The following ASB18 variants were observed in gnomAD, a reference collection of about 807,000 sequenced individuals.
ASB18 encodes ankyrin repeat and SOCS box containing 18.
A neutral mutation model predicts 33.4 loss-of-function variants in ASB18; 33 were observed. The observed-to-expected ratio is 0.99, with a 90% CI of 0.75 to 1.32. The LOEUF is 1.32. ASB18 is among the 40% of genes most tolerant of loss of function. ASB18 has a pLI of 0.00. For missense variants in ASB18, 694 were observed against 655.5 expected (o/e 1.06, Z -0.64); for synonymous variants, 295 against 307.6 (o/e 0.96, Z 0.43).
rs111659949 is a variant in ASB18 at position 236,222,656 on chromosome 2, C to T, written c.597-7790G>A. On this transcript the variant is annotated intron_variant, in intron 3 of 5. Coordinates refer to ENST00000409749, the MANE Select transcript of ASB18 (RefSeq NM_212556.4). The surrounding 1 kb of genome is among the most constrained non-coding windows in gnomAD (Gnocchi z 5.5). ...TTGGTTCATGGGGGTAGGTCTCTCA[C>T]GAATGGTTTAGTACCATCCCCTTGG... is the stretch of plus-strand genomic sequence containing the variant. 9.8e-3 allele frequency among the ~76,000 whole-genome samples: 1,497 copies of T among 152,224 alleles called. 12 individuals are homozygous for T. The highest frequency in any genetic ancestry group is 0.017 in the Non-Finnish European group (1,188 of 68,034).
At chr2:236,258,963 T>A (rs1005581271) in intron 1 of ASB18, among the ~76,000 whole-genome samples, 6 of 152,304 alleles carry the variant, frequency 3.9e-5, no homozygotes, top group Admixed American at 3.9e-4. Flanking sequence ...TCCTTAATAA[T>A]AGCAATTAGT....
rs2060534758 is a variant in ASB18, at chr2:236,225,828, A to G, written c.597-10962T>C. Among the ~76,000 whole-genome samples the G allele has an allele frequency of 6.6e-6, 1 of 151,650 alleles. No homozygotes were observed. The highest frequency in any genetic ancestry group is 2.1e-4 in the South Asian group (1 of 4,790). On this transcript the variant is annotated intron_variant, in intron 3 of 5. Coordinates refer to ENST00000409749, the MANE Select transcript of ASB18 (RefSeq NM_212556.4). This position sits in a 1 kb window ranked among gnomAD's most constrained non-coding sequence, Gnocchi z 5.1. ...TTTTTTTAATCCCAGGAACTCAGAG[A>G]CTCAAAGGTTTTAAAGTCCTGTGCC...
rs1349815302 is a variant in ASB18, at chr2:236,238,657, T to A, written c.329-701A>T. Among the ~76,000 whole-genome samples, 1 of 151,560 alleles carries A rather than the reference T, an allele frequency of 6.6e-6. No homozygotes were observed. The highest frequency in any genetic ancestry group is 1.5e-5 in the Non-Finnish European group (1 of 67,958). On this transcript the variant is annotated intron_variant, in intron 2 of 5. Transcript: ENST00000409749. The surrounding 1 kb of genome is among the most constrained non-coding windows in gnomAD (Gnocchi z 5.2). ...GGGTTGCTCTTTCTTGAGGGATGAA[T>A]GGAGCAGGTGCTATACATTTTTACT...
intron 1 of ASB18, among the ~76,000 whole-genome samples, chr2:236,242,709 G>A (rs577265276): frequency 6.1e-4 from 92 of 151,284 alleles, no homozygotes; most frequent in African/African-American, 2.1e-3. Context: ...CAAGTGATCC[G>A]CCCACCTCGG....
chr2:236,237,962 G>A lies in ASB18; in HGVS notation c.329-6C>T. The A allele has an allele frequency of 1.3e-6, 2 of 1,491,998 alleles. No homozygotes were observed. Among genetic ancestry groups the A allele is most frequent in the Admixed American group, 2.3e-5 (1 of 44,086 alleles). 92.4% of individuals were successfully genotyped at this position (1,491,998 alleles called of 1,614,324 possible). A position where few individuals can be genotyped will look rare whatever the true frequency, so the allele number is the denominator to read the frequency against. ...GTACTCCAGGGTCCAGAGGCCTGCG[G>A]GGAGGGAGGTGGGATGTAAGGTCAG... On this transcript the variant is annotated splice_region_variant and splice_polypyrimidine_tract_variant and intron_variant, in intron 2 of 5. Coordinates refer to ENST00000409749, the MANE Select transcript of ASB18 (RefSeq NM_212556.4). The surrounding 1 kb of genome is among the most constrained non-coding windows in gnomAD (Gnocchi z 6.2).
Position 236,209,935 on chromosome 2 carries a change from G to A in ASB18, c.1101+4427C>T, listed in dbSNP as rs970007978. ...CGTCTGTCTAGAATGTTTGTCCCCC[G>A]CTTCACAAAGATAAGCCTTCAGCCT... On this transcript the variant is annotated intron_variant, in intron 4 of 5. Coordinates refer to ENST00000409749, the MANE Select transcript of ASB18 (RefSeq NM_212556.4). The surrounding 1 kb of genome is among the most constrained non-coding windows in gnomAD (Gnocchi z 4.4). 1.3e-5 allele frequency among the ~76,000 whole-genome samples: 2 copies of A among 152,150 alleles called. No homozygotes were observed. The highest frequency in any genetic ancestry group is 2.9e-5 in the Non-Finnish European group (2 of 68,034).
rs1489057536 is a variant in ASB18, at chr2:236,243,970, GTTC to G, written c.206-2571_206-2569del. Among the ~76,000 whole-genome samples, 7 of 152,210 alleles carry G rather than the reference GTTC, an allele frequency of 4.6e-5. No individual in the cohort carries two copies. In the South Asian group the frequency reaches 8.3e-4, roughly 18 times the overall value. On this transcript the variant is annotated intron_variant, in intron 1 of 5. Transcript: ENST00000409749. ...GCCTCCTGAGTAGCTAGGATTACAGGTTCTTGCGACCAAACCCAGCTAATTTTT... is the reference window on the plus strand; with the variant it reads ...GCCTCCTGAGTAGCTAGGATTACAGGTTGCGACCAAACCCAGCTAATTTTT...
In ASB18 at chr2:236,221,015, C is replaced by T. The variant is rs1321067375; in HGVS notation, c.597-6149G>A. Among the ~76,000 whole-genome samples, 1 of 152,148 alleles carries T rather than the reference C, an allele frequency of 6.6e-6. No individual in the cohort carries two copies. Among genetic ancestry groups the T allele is most frequent in the Non-Finnish European group, 1.5e-5 (1 of 68,032 alleles). ...ACCGGTTCTCACCCAGTCCTCCTAG[C>T]TACCTGGCACGGTAGATGGCATCCT... On this transcript the variant is annotated intron_variant, in intron 3 of 5. Coordinates refer to ENST00000409749, the MANE Select transcript of ASB18 (RefSeq NM_212556.4). The surrounding 1 kb of genome is among the most constrained non-coding windows in gnomAD (Gnocchi z 5.6).
Position 236,214,711 on chromosome 2 carries a change from C to T in ASB18, c.752G>A (p.Arg251His), listed in dbSNP as rs763458414. Residue 251 changes from arginine (R) to histidine (H), a missense_variant, in exon 4 of 6, where the codon CGC becomes CAC. Transcript: ENST00000409749. This position sits in a 1 kb window ranked among gnomAD's most constrained non-coding sequence, Gnocchi z 6.5. ...GGCCGCGCTCAGAGCCGTCTCTCCG[C>T]GGCCGTTCCTCGCGTCCACGTGCGC... ...RGAHVDARNG[R>H]GETALSAACG... 6.0e-5 allele frequency: 69 copies of T among 1,153,848 alleles called. No homozygotes were observed. In the South Asian group the frequency reaches 2.2e-3, roughly 37 times the overall value. The allele number at this position is 1,153,848 out of a possible 1,614,324, so 71.5% of individuals were successfully genotyped here.
intron 1 of ASB18, among the ~76,000 whole-genome samples, chr2:236,242,668 G>T (rs1015245407): frequency 1.3e-5 from 2 of 151,664 alleles, no homozygotes; most frequent in Admixed American, 6.6e-5. Flanking sequence ...CTTTCACCTT[G>T]TTGGCCAGGC....
rs60064230 is a variant in ASB18 at position 236,246,346 on chromosome 2, C to CAAAAAAAAAAAAAAA, written c.206-4959_206-4945dup. On this transcript the variant is annotated intron_variant, in intron 1 of 5. Transcript: ENST00000409749. ...TGGGTGACAGAGCAAGACTCCATCT[C>CAAAAAAAAAAAAAAA]AAAAAAAAAAAAAAAAAAAAAAAAA... Among the ~76,000 whole-genome samples, 8 of 32,718 alleles carry CAAAAAAAAAAAAAAA rather than the reference C, an allele frequency of 2.4e-4. 1 individual carries two copies. The highest frequency in any genetic ancestry group is 7.2e-4 in the African/African-American group (8 of 11,104). 21.5% of individuals were successfully genotyped at this position (32,718 alleles called of 152,430 possible).
chr2:236,210,810 G>C (rs1197008932), intron 4 of ASB18, among the ~76,000 whole-genome samples: 1 of 152,204 alleles, frequency 6.6e-6, no homozygotes, highest in African/African-American at 2.4e-5. Context: ...TGTGAAGGAG[G>C]CAGTGGAGGG....
rs919298699 is a variant in ASB18, at chr2:236,235,983, C to A, written c.596+1706G>T. On this transcript the variant is annotated intron_variant, in intron 3 of 5. Coordinates refer to ENST00000409749, the MANE Select transcript of ASB18 (RefSeq NM_212556.4). The surrounding 1 kb of genome is among the most constrained non-coding windows in gnomAD (Gnocchi z 6.2). ...TGTTGGGATTACCGGCATGAGCCAC[C>A]GCACCTAGCCTAACAGTTATGTTCT... Among the ~76,000 whole-genome samples the A allele has an allele frequency of 6.6e-6, 1 of 152,184 alleles. No individual in the cohort carries two copies. The highest frequency in any genetic ancestry group is 2.4e-5 in the African/African-American group (1 of 41,440).
chr2:236,234,753 G>C lies in ASB18; in HGVS notation c.596+2936C>G, dbSNP rs2060581179. 6.6e-6 allele frequency among the ~76,000 whole-genome samples: 1 copy of C among 152,132 alleles called. No homozygotes were observed. Among genetic ancestry groups the C allele is most frequent in the African/African-American group, 2.4e-5 (1 of 41,436 alleles). On this transcript the variant is annotated intron_variant, in intron 3 of 5. Coordinates refer to ENST00000409749, the MANE Select transcript of ASB18 (RefSeq NM_212556.4). The surrounding 1 kb of genome is among the most constrained non-coding windows in gnomAD (Gnocchi z 4.1). ...TCCACATGCAAAAATAAATAAAAAAGCTTCAATCCCTACCTCACATCATAT... is the reference window on the plus strand; with the variant it reads ...TCCACATGCAAAAATAAATAAAAAACCTTCAATCCCTACCTCACATCATAT...
Position 236,237,966 on chromosome 2 carries a change from G to T in ASB18, c.329-10C>A. 1 of 1,488,996 alleles carries T rather than the reference G, an allele frequency of 6.7e-7. No individual in the cohort carries two copies. Among genetic ancestry groups the T allele is most frequent in the Non-Finnish European group, 8.9e-7 (1 of 1,127,368 alleles). The allele number at this position is 1,488,996 out of a possible 1,614,324, so 92.2% of individuals were successfully genotyped here. On this transcript the variant is annotated splice_polypyrimidine_tract_variant and intron_variant, in intron 2 of 5. Transcript: ENST00000409749. The surrounding 1 kb of genome is among the most constrained non-coding windows in gnomAD (Gnocchi z 6.2). Reference sequence around the variant, plus strand: ...TCCAGGGTCCAGAGGCCTGCGGGGAGGGAGGTGGGATGTAAGGTCAGGGGG... The same window carrying T: ...TCCAGGGTCCAGAGGCCTGCGGGGATGGAGGTGGGATGTAAGGTCAGGGGG...
rs2060553662 is a variant in ASB18 at position 236,229,131 on chromosome 2, A to C, written c.596+8558T>G. On this transcript the variant is annotated intron_variant, in intron 3 of 5. Transcript: ENST00000409749. The surrounding 1 kb of genome is among the most constrained non-coding windows in gnomAD (Gnocchi z 5.2). ...GACATAGGTGATAGAATTAGTAGGC[A>C]GGGCCATTAAAACACTTGTTATAAC... is the stretch of plus-strand genomic sequence containing the variant. Among the ~76,000 whole-genome samples the C allele has an allele frequency of 6.6e-6, 1 of 152,218 alleles. No homozygotes were observed. The highest frequency in any genetic ancestry group is 1.5e-5 in the Non-Finnish European group (1 of 68,034).
At position 236,237,936 on chromosome 2, in the gene ASB18, T is replaced by C; in HGVS notation, c.349A>G (p.Lys117Glu). 6.6e-7 allele frequency: 1 copy of C among 1,504,998 alleles called. No individual in the cohort carries two copies. The highest frequency in any genetic ancestry group is 8.8e-7 in the Non-Finnish European group (1 of 1,133,112). 93.2% of individuals were successfully genotyped at this position (1,504,998 alleles called of 1,614,324 possible). A position where few individuals can be genotyped will look rare whatever the true frequency, so the allele number is the denominator to read the frequency against. ...CACAGGGGCGTGGTGAGCTCACGCT[T>C]GTACTCCAGGGTCCAGAGGCCTGCG... ...GLSGLWTLEY[K>E]RELTTPLCIA... The change falls in exon 3 of 6, where the codon AAG (lysine) becomes GAG (glutamate). Residue 117 changes from lysine (K) to glutamate (E), a missense_variant. Transcript: ENST00000409749. The surrounding 1 kb of genome is among the most constrained non-coding windows in gnomAD (Gnocchi z 6.2).
Position 236,228,164 on chromosome 2 carries a change from A to G in ASB18, c.596+9525T>C, listed in dbSNP as rs76916392. On this transcript the variant is annotated intron_variant, in intron 3 of 5. Coordinates refer to ENST00000409749, the MANE Select transcript of ASB18 (RefSeq NM_212556.4). The surrounding 1 kb of genome is among the most constrained non-coding windows in gnomAD (Gnocchi z 5.1). ...GTAGAAATTAATCCATGTCTAAAGAATAGTTGGAAAGAAAGCCTCCTGGTG... is the reference window on the plus strand; with the variant it reads ...GTAGAAATTAATCCATGTCTAAAGAGTAGTTGGAAAGAAAGCCTCCTGGTG... 7.2e-4 allele frequency among the ~76,000 whole-genome samples: 109 copies of G among 152,390 alleles called. 2 individuals carry two copies. The East Asian group carries it at 0.017, about 24-fold the overall frequency.
intron 4 of ASB18, among the ~76,000 whole-genome samples, chr2:236,197,932 GTTCT>G (rs1049715638): frequency 4.6e-5 from 7 of 152,184 alleles, no homozygotes; most frequent in Non-Finnish European, 8.8e-5. Flanking sequence ...TTGTATAATC[GTTCT>G]TTCTATTTCT....
Sources: allele counts gnomAD v4.1 joint callset (sites outside exome capture counted in the v4.1 genomes callset), GRCh38; gene constraint gnomAD v4.1.1; non-coding constraint Gnocchi (gnomAD v3.1); transcripts MANE v1.5; gene names NCBI Gene and HGNC (gene_info 2026-07-23, HGNC 2026-07-21).